The following BRINP2 variants were observed in gnomAD, a reference collection of about 807,000 sequenced individuals.
The protein encoded by BRINP2 is BMP/retinoic acid inducible neural specific 2.
A neutral mutation model predicts 69.2 loss-of-function variants in BRINP2; 21 were observed. The observed-to-expected ratio is 0.30, with a 90% CI of 0.22 to 0.44. The LOEUF (loss-of-function observed/expected upper bound fraction) is 0.44. Among genes scored for constraint, BRINP2 ranks in the 20% least tolerant of loss-of-function variants. BRINP2 has a pLI of 1.00. For synonymous variants in BRINP2, 380 were observed against 394.1 expected (o/e 0.96, Z 0.42); for missense variants, 877 against 986.0 (o/e 0.89, Z 1.48).
At chr1:177,261,527 G>A (rs561604057) in intron 4 of BRINP2, among the ~76,000 whole-genome samples, 1 of 152,338 alleles carries the variant, frequency 6.6e-6, no homozygotes, top group South Asian at 2.1e-4. Context: ...GTACAGATCT[G>A]AAAGAAATAA....
intron 1 of BRINP2, among the ~76,000 whole-genome samples, chr1:177,223,903 C>G (rs55657925): frequency 1.3e-5 from 2 of 151,976 alleles, no homozygotes; most frequent in Non-Finnish European, 2.9e-5. Flanking sequence ...CACCCCTGCT[C>G]AGGTTCAAAT....
chr1:177,248,952 C>T (rs1650489217), intron 2 of BRINP2, among the ~76,000 whole-genome samples: 1 of 152,080 alleles, frequency 6.6e-6, no homozygotes, highest in Non-Finnish European at 1.5e-5. Context: ...TCTGGCATGG[C>T]TATGGTTCAA....
At chr1:177,195,207 G>A (rs1459100500) in intron 1 of BRINP2, among the ~76,000 whole-genome samples, 2 of 151,866 alleles carry the variant, frequency 1.3e-5, no homozygotes, top group Non-Finnish European at 2.9e-5. Flanking sequence ...ACAAATATTT[G>A]CCACCATTAA....
At chr1:177,248,542 G>GCATAGGGAGGGAGGCTT (rs1287260462) in intron 2 of BRINP2, among the ~76,000 whole-genome samples, 11 of 151,370 alleles carry the variant, frequency 7.3e-5, no homozygotes, top group Non-Finnish European at 1.5e-5. Context: ...CCTTAAGGCT[G>GCATAGGGAGGGAGGCTT]CATAGGGAGG....
intron 2 of BRINP2, among the ~76,000 whole-genome samples, chr1:177,252,665 T>A (rs1390121402): frequency 6.6e-6 from 1 of 152,112 alleles, no homozygotes; most frequent in African/African-American, 2.4e-5. Context: ...ATAGAGCACA[T>A]AACTTATTCT....
intron 2 of BRINP2, among the ~76,000 whole-genome samples, chr1:177,234,626 A>G (rs1404937173): frequency 6.6e-6 from 1 of 152,232 alleles, no homozygotes; most frequent in Non-Finnish European, 1.5e-5. Flanking sequence ...TGAGAGAGAA[A>G]GTTGGAAATC....
At chr1:177,256,165 T>C in intron 3 of BRINP2, 56 bp downstream of exon 3, 1 of 1,579,140 alleles carries the variant, frequency 6.3e-7, no homozygotes, top group Non-Finnish European at 8.7e-7. Context: ...GAAATAACGT[T>C]AAGACTCGTG....
chr1:177,200,697 G>T (rs1648885886), intron 1 of BRINP2, among the ~76,000 whole-genome samples: 1 of 151,990 alleles, frequency 6.6e-6, no homozygotes, highest in Admixed American at 6.6e-5. Context: ...GTCTCTCCTT[G>T]CCCTGCTTTC....
At chr1:177,204,597 G>T (rs755355717) in intron 1 of BRINP2, among the ~76,000 whole-genome samples, 1 of 152,070 alleles carries the variant, frequency 6.6e-6, no homozygotes, top group Non-Finnish European at 1.5e-5. Flanking sequence ...ACCAATGCCC[G>T]GCTCTCTCTC....
intron 4 of BRINP2, among the ~76,000 whole-genome samples, chr1:177,265,409 A>T (rs1174786409): frequency 1.3e-5 from 2 of 152,210 alleles, no homozygotes; most frequent in African/African-American, 4.8e-5. Context: ...TCCCTTCTTC[A>T]TGCCCACTGC....
rs1166967703 is a variant in BRINP2, at chr1:177,199,149, A to C, written c.-77+27417A>C. ...TCTTTGACCTATTTTAAGATATTTC[A>C]CCTTATTGCCCCCAAATGGTTGCAG... On this transcript the variant is annotated intron_variant, in intron 1 of 7. Transcript: ENST00000361539. 3.9e-5 allele frequency among the ~76,000 whole-genome samples: 6 copies of C among 152,192 alleles called. No homozygotes were observed. In the East Asian group the frequency reaches 1.2e-3, roughly 29 times the overall value.
chr1:177,241,305 A>T (rs1553272817), intron 2 of BRINP2, among the ~76,000 whole-genome samples: 1 of 152,188 alleles, frequency 6.6e-6, no homozygotes, highest in South Asian at 2.1e-4. Flanking sequence ...AGCCTAAAAC[A>T]TTATGAAGAT....
chr1:177,214,515 A>T (rs1649320520), intron 1 of BRINP2, among the ~76,000 whole-genome samples: 3 of 152,252 alleles, frequency 2.0e-5, no homozygotes, highest in Admixed American at 2.0e-4. Flanking sequence ...ATTCCAAATG[A>T]TGAACACAAG....
chr1:177,253,800 T>C (rs1437835942), intron 2 of BRINP2, among the ~76,000 whole-genome samples: 1 of 152,156 alleles, frequency 6.6e-6, no homozygotes, highest in Non-Finnish European at 1.5e-5. Context: ...TTCCCCAATG[T>C]GTGTTCCTGG....
chr1:177,220,286 T>C (rs143444257), intron 1 of BRINP2, among the ~76,000 whole-genome samples: 9 of 152,284 alleles, frequency 5.9e-5, no homozygotes, highest in African/African-American at 2.2e-4. Context: ...AAATCTCATG[T>C]TGAAATCCCC....
At chr1:177,187,269 T>C (rs1319117435) in intron 1 of BRINP2, among the ~76,000 whole-genome samples, 4 of 152,184 alleles carry the variant, frequency 2.6e-5, no homozygotes, top group African/African-American at 9.7e-5. Context: ...CAGAAAATGC[T>C]TACGGCACAT....
chr1:177,177,684 G>A (rs918866153), intron 1 of BRINP2, among the ~76,000 whole-genome samples: 4 of 152,026 alleles, frequency 2.6e-5, no homozygotes, highest in African/African-American at 4.8e-5. Context: ...TGTTAACCAC[G>A]TAAAAGGGGG....
chr1:177,179,452 C>G (rs2102287657), intron 1 of BRINP2, among the ~76,000 whole-genome samples: 1 of 152,176 alleles, frequency 6.6e-6, no homozygotes, highest in South Asian at 2.1e-4. Context: ...AGCAAATAGC[C>G]CAAATGTTCC....
chr1:177,208,866 G>A (rs182877041), intron 1 of BRINP2, among the ~76,000 whole-genome samples: 2 of 152,304 alleles, frequency 1.3e-5, no homozygotes, highest in East Asian at 1.9e-4. Flanking sequence ...TCAGGGTACT[G>A]TACTCCAGGG....
Sources: gnomAD v4.1 joint callset for allele counts (sites outside exome capture counted in the v4.1 genomes callset) on GRCh38, gnomAD v4.1.1 for gene constraint, MANE v1.5 for transcripts, NCBI Gene and HGNC (gene_info 2026-07-23, HGNC 2026-07-21) for gene names.